ARSF: variants seen among roughly 807,000 people sequenced by gnomAD.
ARSF encodes arylsulfatase F.
Under a neutral mutation model 35.4 loss-of-function variants are expected in ARSF, and 33 were observed. The ratio of observed to expected loss-of-function variants is 0.93; its 90% CI spans 0.71 to 1.25. The LOEUF (loss-of-function observed/expected upper bound fraction) is 1.25, where lower values mean the gene tolerates loss of function less well. Ranked by LOEUF, ARSF falls within the 50% of genes most tolerant of loss-of-function variation. ARSF has a pLI of 0.00. For synonymous variants in ARSF, 222 were observed against 193.1 expected, an observed-to-expected ratio of 1.15 and a Z score of -1.24; for missense variants, 501 against 480.2, an observed-to-expected ratio of 1.04 and a Z score of -0.40.
At chrX:3,087,942 C>T (rs1301149919) in intron 6 of ARSF, among the ~76,000 whole-genome samples, 1 of 112,215 alleles carries the variant, frequency 8.9e-6, no homozygotes, top group African/African-American at 3.2e-5. Flanking sequence ...TTTGAGGGGT[C>T]ACTGTTCAAG....
chrX:3,055,185 A>G (rs2090012718), intron 1 of ARSF, among the ~76,000 whole-genome samples: 1 of 106,858 alleles, frequency 9.4e-6, no homozygotes, highest in Admixed American at 1.0e-4. Context: ...TCTACTAAAA[A>G]TACATAATTA....
At chrX:3,102,827 G>A (rs188557626) in intron 8 of ARSF, among the ~76,000 whole-genome samples, 31,607 of 108,859 alleles carry the variant, frequency 0.29, 3,809 homozygotes, top group African/African-American at 0.44. Flanking sequence ...CAGGAGAATG[G>A]CGTGAACCCA....
At position 3,093,070 on chromosome X, in the gene ARSF, G is replaced by T. The variant is rs369321631; in HGVS notation, c.967+3438G>T. On this transcript the variant is annotated intron_variant, in intron 7 of 10. Coordinates refer to ENST00000381127, the MANE Select transcript of ARSF (RefSeq NM_001201539.2). ...AGTCCCAGCTACTCGGGAGGCTGAG[G>T]CAGGAGAATGGCGTGAACCTGGGAG... 9.8e-3 allele frequency among the ~76,000 whole-genome samples: 1,085 copies of T among 110,376 alleles called. 13 individuals are homozygous for T. Among genetic ancestry groups the T allele is most frequent in the African/African-American group, 0.033 (993 of 30,011 alleles).
chrX:3,045,225 G>A (rs780292226), intron 1 of ARSF, among the ~76,000 whole-genome samples: 1 of 111,882 alleles, frequency 8.9e-6, no homozygotes, highest in South Asian at 3.8e-4. Context: ...TAATGAAGTG[G>A]CATCATTTTC....
At chrX:3,111,061 A>G (rs764388379) in intron 10 of ARSF, among the ~76,000 whole-genome samples, 1 of 111,633 alleles carries the variant, frequency 9.0e-6, no homozygotes, top group East Asian at 2.8e-4. Context: ...AAGCCCAAGA[A>G]CCAGCCTTGA....
intron 7 of ARSF, among the ~76,000 whole-genome samples, chrX:3,091,054 A>G (rs1439373904): frequency 1.1e-5 from 1 of 94,699 alleles, no homozygotes; most frequent in East Asian, 3.6e-4. Flanking sequence ...GGGGCTATCT[A>G]TAGGCACATG....
At chrX:3,107,368 C>T (rs184713849) in intron 9 of ARSF, among the ~76,000 whole-genome samples, 1,477 of 109,290 alleles carry the variant, frequency 0.014, 11 homozygotes, top group Non-Finnish European at 0.02. Context: ...TGACCTCAGT[C>T]CATTAGTGGA....
intron 7 of ARSF, among the ~76,000 whole-genome samples, chrX:3,092,877 T>C (rs768538587): frequency 2.7e-5 from 3 of 112,411 alleles, no homozygotes; most frequent in Admixed American, 1.9e-4. Flanking sequence ...CTGCCTTTTA[T>C]AATTATCATA....
intron 1 of ARSF, among the ~76,000 whole-genome samples, chrX:3,066,009 G>A (rs1019956322): frequency 2.7e-5 from 3 of 111,340 alleles, no homozygotes; most frequent in Non-Finnish European, 3.8e-5. Context: ...AGGATCACTC[G>A]AGCCTGGAAG....
At chrX:3,069,430 C>A (rs2090087615) in intron 2 of ARSF, among the ~76,000 whole-genome samples, 1 of 110,222 alleles carries the variant, frequency 9.1e-6, no homozygotes, top group South Asian at 3.8e-4. Flanking sequence ...CTCAAGCGAT[C>A]CTCCCACCTC....
intron 9 of ARSF, among the ~76,000 whole-genome samples, chrX:3,109,241 C>T (rs1175459842): frequency 1.8e-5 from 2 of 110,245 alleles, no homozygotes; most frequent in Admixed American, 9.8e-5. Flanking sequence ...ATCCCTTGAA[C>T]CCGGGAAGCA....
intron 1 of ARSF, among the ~76,000 whole-genome samples, chrX:3,059,061 A>G (rs1225509880): frequency 8.9e-6 from 1 of 111,977 alleles, no homozygotes; most frequent in East Asian, 2.8e-4. Context: ...ATCTGTAGAA[A>G]GCAGAGTCAC....
chrX:3,064,229 G>A (rs1345284643), intron 1 of ARSF, among the ~76,000 whole-genome samples: 2 of 112,093 alleles, frequency 1.8e-5, no homozygotes, highest in African/African-American at 3.2e-5. Flanking sequence ...AATAAATGGT[G>A]CTGGGAAAAC....
intron 3 of ARSF, among the ~76,000 whole-genome samples, chrX:3,074,010 C>G (rs1266382452): frequency 2.7e-5 from 3 of 110,302 alleles, no homozygotes; most frequent in African/African-American, 9.9e-5. Flanking sequence ...ACATCATACA[C>G]TTTTAAGATC....
chrX:3,068,232 T>G, intron 2 of ARSF, 121 bp downstream of exon 2: 1 of 669,333 alleles, frequency 1.5e-6, no homozygotes. Flanking sequence ...TTCTTTTTTC[T>G]TTTTCTTTTC....
intron 7 of ARSF, among the ~76,000 whole-genome samples, chrX:3,099,087 C>T (rs1438481846): frequency 9.0e-6 from 1 of 111,001 alleles, no homozygotes; most frequent in African/African-American, 3.3e-5. Flanking sequence ...CCACATGTTT[C>T]TTATGCTTCT....
At chrX:3,062,947 C>T (rs1306643366) in intron 1 of ARSF, among the ~76,000 whole-genome samples, 2 of 111,881 alleles carry the variant, frequency 1.8e-5, no homozygotes, top group Non-Finnish European at 3.8e-5. Context: ...CTCCCTAACT[C>T]ATTTTATGAG....
intron 7 of ARSF, among the ~76,000 whole-genome samples, chrX:3,092,438 C>G (rs2090301460): frequency 9.0e-6 from 1 of 111,586 alleles, no homozygotes; most frequent in Admixed American, 9.5e-5. Flanking sequence ...ACAAAGCTCC[C>G]AAAGTATCTA....
intron 1 of ARSF, among the ~76,000 whole-genome samples, chrX:3,042,056 A>T (rs767257177): frequency 8.9e-6 from 1 of 112,358 alleles, no homozygotes; most frequent in South Asian, 3.6e-4. Context: ...GGCTTACAAA[A>T]CTATAAACCC....
Sources: gnomAD v4.1 joint callset for allele counts (sites outside exome capture counted in the v4.1 genomes callset) on GRCh38, gnomAD v4.1.1 for gene constraint, MANE v1.5 for transcripts, NCBI Gene and HGNC (gene_info 2026-07-23, HGNC 2026-07-21) for gene names.